The following IRAG1 variants were observed in gnomAD, a reference collection of about 807,000 sequenced individuals.
The protein encoded by IRAG1 is IP3R-associated cGMP kinase substrate.
Under a neutral mutation model 106.2 loss-of-function variants are expected in IRAG1, and 62 were observed. The observed-to-expected ratio is 0.58, with a 90% CI of 0.48 to 0.72. IRAG1 has a LOEUF of 0.72. Among genes scored for constraint, IRAG1 ranks in the 30% least tolerant of loss-of-function variants. IRAG1 has a pLI of 0.00. For synonymous variants in IRAG1, 462 were observed against 443.9 expected, an observed-to-expected ratio of 1.04 and a Z score of -0.51; for missense variants, 1,064 against 1,140.7, an observed-to-expected ratio of 0.93 and a Z score of 0.97.
At chr11:10,609,691 G>C in intron 11 of IRAG1, 37 bp downstream of exon 11, 1 of 1,593,272 alleles carries the variant, frequency 6.3e-7, no homozygotes. Context: ...GGGGCCACTC[G>C]GTACAGGGCC....
At position 10,657,291 on chromosome 11, in the gene IRAG1, G is replaced by C. The variant is rs1206959982; in HGVS notation, c.68-5109C>G. Among the ~76,000 whole-genome samples the C allele has an allele frequency of 6.6e-6, 1 of 152,152 alleles. No individual in the cohort carries two copies. Among genetic ancestry groups the C allele is most frequent in the Non-Finnish European group, 1.5e-5 (1 of 68,024 alleles). ...AGACTTGCCCAATGTCATCGCTCAT[G>C]AATGGCAGTGCTGGGAATTCACCGA... is the stretch of plus-strand genomic sequence containing the variant. On this transcript the variant is annotated intron_variant, in intron 1 of 20. Coordinates refer to ENST00000423302, the MANE Select transcript of IRAG1 (RefSeq NM_130385.4). This position sits in a 1 kb window ranked among gnomAD's most constrained non-coding sequence, Gnocchi z 4.1.
intron 14 of IRAG1, among the ~76,000 whole-genome samples, chr11:10,602,037 G>A (rs1854070759): frequency 6.6e-6 from 1 of 152,190 alleles, no homozygotes; most frequent in African/African-American, 2.4e-5. Context: ...GGCCACAGAG[G>A]GACACACCCA....
chr11:10,598,540 T>C (rs973107849), intron 15 of IRAG1, among the ~76,000 whole-genome samples: 1 of 152,208 alleles, frequency 6.6e-6, no homozygotes, highest in Non-Finnish European at 1.5e-5. Flanking sequence ...TCCATAAACA[T>C]TTGGAAAGGC....
At chr11:10,685,998 G>A (rs1384775219) in intron 1 of IRAG1, among the ~76,000 whole-genome samples, 1 of 152,098 alleles carries the variant, frequency 6.6e-6, no homozygotes, top group Non-Finnish European at 1.5e-5. Context: ...AAACAAGAAA[G>A]ATGTCTTAGG....
At chr11:10,674,423 C>G (rs537996162) in intron 1 of IRAG1, among the ~76,000 whole-genome samples, 1 of 152,152 alleles carries the variant, frequency 6.6e-6, no homozygotes, top group Non-Finnish European at 1.5e-5. Flanking sequence ...TCAGTTCTCA[C>G]CCTGAAGTCT....
At chr11:10,587,417 C>T (rs1242787061) in intron 18 of IRAG1, among the ~76,000 whole-genome samples, 4 of 152,072 alleles carry the variant, frequency 2.6e-5, no homozygotes, top group Admixed American at 6.6e-5. Context: ...TTCCTTACTC[C>T]GTGTTACTCA....
intron 3 of IRAG1, 92 bp from the exon 4 acceptor site, chr11:10,632,153 T>C (rs1564918691): frequency 1.2e-6 from 1 of 857,020 alleles, no homozygotes; most frequent in Admixed American, 2.5e-5. Context: ...TCTTTTTCTT[T>C]CTTTCTTTCT....
intron 2 of IRAG1, among the ~76,000 whole-genome samples, chr11:10,642,892 C>T (rs150262956): frequency 0.029 from 4,461 of 151,448 alleles, 97 homozygotes; most frequent in Non-Finnish European, 0.047. Flanking sequence ...GGGCCGGGCA[C>T]GGTGGCTCAC....
chr11:10,685,416 C>CA (rs375363531), intron 1 of IRAG1, among the ~76,000 whole-genome samples: 91,987 of 136,510 alleles, frequency 0.67, 30,037 homozygotes, highest in East Asian at 0.87. Flanking sequence ...ATTCCGTTCC[C>CA]AAAAAAAAAA....
chr11:10,652,239 G>T, intron 1 of IRAG1, 57 bp from the exon 2 acceptor site: 2 of 1,594,438 alleles, frequency 1.3e-6, no homozygotes, highest in South Asian at 2.2e-5. Flanking sequence ...CCCAAGCTGG[G>T]TTCCATTTCC....
At chr11:10,626,968 G>A (rs957447960) in intron 8 of IRAG1, among the ~76,000 whole-genome samples, 1 of 152,164 alleles carries the variant, frequency 6.6e-6, no homozygotes, top group Admixed American at 6.5e-5. Flanking sequence ...GTCTGTGTGT[G>A]GAGGGGTGTT....
At chr11:10,604,380 T>C (rs773945876) in intron 13 of IRAG1, 25 bp downstream of exon 13, 2 of 1,613,632 alleles carry the variant, frequency 1.2e-6, no homozygotes, top group African/African-American at 1.3e-5. Context: ...CTCCAGGGAT[T>C]CCTCACATCA....
In IRAG1 at chr11:10,602,433, G is replaced by A. The variant is rs567873352; in HGVS notation, c.1875+687C>T. 6.6e-5 allele frequency among the ~76,000 whole-genome samples: 10 copies of A among 152,310 alleles called. No individual in the cohort carries two copies. The East Asian group carries it at 1.9e-3, about 29-fold the overall frequency. ...AGAGAAACCTCAGTAAGGGGCCCAA[G>A]GTCACACAGCGAATGAAGGTTGGAG... On this transcript the variant is annotated intron_variant, in intron 14 of 20. Coordinates refer to ENST00000423302, the MANE Select transcript of IRAG1 (RefSeq NM_130385.4).
chr11:10,667,072 A>G (rs1030485589), intron 1 of IRAG1, among the ~76,000 whole-genome samples: 2 of 152,198 alleles, frequency 1.3e-5, no homozygotes, highest in African/African-American at 4.8e-5. Context: ...ATGCTATGAT[A>G]GAATGTAGAG....
chr11:10,604,339 C>T, intron 13 of IRAG1, 66 bp downstream of exon 13: 1 of 1,593,358 alleles, frequency 6.3e-7, no homozygotes, highest in Non-Finnish European at 8.6e-7. Flanking sequence ...AGAAGCATGA[C>T]ACCCTGTATG....
chr11:10,667,500 C>T lies in IRAG1; in HGVS notation c.68-15318G>A, dbSNP rs564311009. Reference sequence around the variant, plus strand: ...TCAATGCTTTCCTGATATCCTCTTACTGCCTCAGTTACCTCCCAATTCCCT... The same window carrying T: ...TCAATGCTTTCCTGATATCCTCTTATTGCCTCAGTTACCTCCCAATTCCCT... On this transcript the variant is annotated intron_variant, in intron 1 of 20. Transcript: ENST00000423302. Among the ~76,000 whole-genome samples the T allele has an allele frequency of 3.3e-5, 5 of 152,344 alleles. No individual in the cohort carries two copies. In the South Asian group the frequency reaches 1.0e-3, roughly 32 times the overall value.
chr11:10,590,282 A>T (rs1025342007), intron 18 of IRAG1, among the ~76,000 whole-genome samples: 2 of 152,166 alleles, frequency 1.3e-5, no homozygotes, highest in African/African-American at 4.8e-5. Flanking sequence ...GAAAAGACAG[A>T]GAGAGAGACC....
chr11:10,660,274 A>G (rs1341594650), intron 1 of IRAG1, among the ~76,000 whole-genome samples: 2 of 152,262 alleles, frequency 1.3e-5, no homozygotes, highest in Admixed American at 1.3e-4. Flanking sequence ...TTAAACAAAA[A>G]GGAGATAAAT....
At chr11:10,606,591 A>T in intron 12 of IRAG1, 151 bp downstream of exon 12, 1 of 748,624 alleles carries the variant, frequency 1.3e-6, no homozygotes, top group Non-Finnish European at 2.1e-6. Flanking sequence ...ATGGTTCAAG[A>T]GGGCTGGTCA....
Sources: allele counts gnomAD v4.1 joint callset (sites outside exome capture counted in the v4.1 genomes callset), GRCh38; gene constraint gnomAD v4.1.1; non-coding constraint Gnocchi (gnomAD v3.1); transcripts MANE v1.5; gene names NCBI Gene and HGNC (gene_info 2026-07-23, HGNC 2026-07-21).